Variants in KCNN2 observed in about 807,000 individuals in gnomAD.
The protein encoded by KCNN2 is small conductance calcium-activated potassium channel protein 2.
KCNN2 carries 24 observed loss-of-function variants against 55.5 expected under a neutral mutation model. The ratio of observed to expected loss-of-function variants is 0.43; its 90% CI spans 0.31 to 0.61. The LOEUF is 0.61. Ranked by LOEUF, KCNN2 falls within the 20% of genes least tolerant of loss-of-function variation. KCNN2 has a pLI of 0.08. For synonymous variants in KCNN2, 431 were observed against 336.1 expected (o/e 1.28, Z -3.09); for missense variants, 754 against 853.6 (o/e 0.88, Z 1.45).
intron 1 of KCNN2, among the ~76,000 whole-genome samples, chr5:114,173,108 G>A (rs11950333): frequency 1.3e-5 from 2 of 151,880 alleles, no homozygotes; most frequent in Non-Finnish European, 1.5e-5. Flanking sequence ...TTTAATTTTT[G>A]TATATGGCAA....
intron 1 of KCNN2, among the ~76,000 whole-genome samples, chr5:114,142,163 T>C (rs539315073): frequency 5.4e-4 from 82 of 152,330 alleles, no homozygotes; most frequent in African/African-American, 1.9e-3. Flanking sequence ...ATTTTGGCTT[T>C]TGTTGCCATT....
At chr5:114,293,414 T>G (rs1399397203) in intron 2 of KCNN2, among the ~76,000 whole-genome samples, 1 of 152,200 alleles carries the variant, frequency 6.6e-6, no homozygotes, top group Non-Finnish European at 1.5e-5. Flanking sequence ...GTTGTTGAAT[T>G]TTGTCAAAGG....
rs138193699 is a variant in KCNN2 at position 114,104,089 on chromosome 5, G to A, written c.-271+47589G>A. ...TTTGGTTAGTAGGCTATTAATTACT[G>A]CCTCAATTTCAGAACTTGTTATTGG... On this transcript the variant is annotated intron_variant, in intron 1 of 10. Coordinates refer to the KCNN2 transcript ENST00000512097. Among the ~76,000 whole-genome samples, 25 of 152,078 alleles carry A rather than the reference G, an allele frequency of 1.6e-4. No individual in the cohort carries two copies. The East Asian group carries it at 4.7e-3, about 28-fold the overall frequency.
chr5:114,396,795 T>G (rs1758633848), intron 2 of KCNN2, among the ~76,000 whole-genome samples: 1 of 152,138 alleles, frequency 6.6e-6, no homozygotes, highest in Non-Finnish European at 1.5e-5. Flanking sequence ...TCTGCCCGCC[T>G]TGGCCTCCAA....
intron 1 of KCNN2, among the ~76,000 whole-genome samples, chr5:114,071,439 T>A (rs1013235242): frequency 3.3e-5 from 5 of 152,178 alleles, no homozygotes; most frequent in African/African-American, 1.2e-4. Context: ...AAAACTTAGG[T>A]CACATGCTTG....
At chr5:114,335,359 C>A (rs1262372509) in intron 2 of KCNN2, among the ~76,000 whole-genome samples, 1 of 152,074 alleles carries the variant, frequency 6.6e-6, no homozygotes, top group Non-Finnish European at 1.5e-5. Context: ...AGGATTCTGC[C>A]TCTCTTTAGC....
At chr5:114,393,965 CAAAT>C (rs1427612537) in intron 2 of KCNN2, among the ~76,000 whole-genome samples, 1 of 110,922 alleles carries the variant, frequency 9.0e-6, no homozygotes, top group African/African-American at 4.3e-5. Flanking sequence ...AATGCTGCAA[CAAAT>C]AATCATGTAC....
intron 1 of KCNN2, among the ~76,000 whole-genome samples, chr5:114,126,941 C>A (rs1261280678): frequency 6.6e-6 from 1 of 152,150 alleles, no homozygotes; most frequent in Non-Finnish European, 1.5e-5. Flanking sequence ...AAAAGGCAGT[C>A]ATTAAACCTT....
At chr5:114,350,495 T>G (rs983331796) in intron 2 of KCNN2, among the ~76,000 whole-genome samples, 1 of 151,972 alleles carries the variant, frequency 6.6e-6, no homozygotes. Flanking sequence ...TTTTCCTTTG[T>G]AGCTTATGCT....
At chr5:114,103,407 T>C (rs1278249248) in intron 1 of KCNN2, among the ~76,000 whole-genome samples, 1 of 152,204 alleles carries the variant, frequency 6.6e-6, no homozygotes, top group Non-Finnish European at 1.5e-5. Context: ...CCTATTTGAA[T>C]ACTCTTTATT....
rs111266015 is a variant in KCNN2 at position 114,362,934 on chromosome 5, T to TGCCGCCGCC, written c.801_809dup (p.Ala268_Ala270dup). The TGCCGCCGCC allele has an allele frequency of 1.9e-5, 30 of 1,560,870 alleles. No homozygotes were observed. The highest frequency in any genetic ancestry group is 2.4e-5 in the East Asian group (1 of 41,082). On this transcript the variant is annotated inframe_insertion, in exon 1 of 8. Transcript: ENST00000673685. ...GCGCGTCCTCCCCGTCTGCAGCCGCTGCCGCCGCCGCCGCTGTTTCGTCCT... is the reference window on the plus strand; with the variant it reads ...GCGCGTCCTCCCCGTCTGCAGCCGCTGCCGCCGCCGCCGCCGCCGCCGCTGTTTCGTCCT...
At chr5:114,358,770 T>C (rs1757347131), upstream of KCNN2, among the ~76,000 whole-genome samples, 1 of 152,218 alleles carries the variant, frequency 6.6e-6, no homozygotes, top group Admixed American at 6.5e-5. Context: ...ATTGCCTTTG[T>C]TGCTTCATTT....
At chr5:114,151,014 T>G (rs548035796) in intron 1 of KCNN2, among the ~76,000 whole-genome samples, 1 of 152,194 alleles carries the variant, frequency 6.6e-6, no homozygotes, top group East Asian at 1.9e-4. Flanking sequence ...AGAGTGAAAC[T>G]GTGTCTCAAA....
chr5:114,169,238 G>C (rs1254546819), intron 1 of KCNN2, among the ~76,000 whole-genome samples: 2 of 152,012 alleles, frequency 1.3e-5, no homozygotes, highest in Non-Finnish European at 2.9e-5. Context: ...TGTTGGAATG[G>C]ACTAGTAAAA....
chr5:114,321,013 T>A (rs1368816250), intron 2 of KCNN2, among the ~76,000 whole-genome samples: 1 of 152,164 alleles, frequency 6.6e-6, no homozygotes, highest in Non-Finnish European at 1.5e-5. Flanking sequence ...AATCCTCCCA[T>A]GCTCCTGCTG....
At chr5:114,357,443 T>A (rs1580743750), upstream of KCNN2, among the ~76,000 whole-genome samples, 3 of 97,188 alleles carry the variant, frequency 3.1e-5, no homozygotes. Context: ...ATGCTATCCC[T>A]CCCCCCTCCC....
intron 2 of KCNN2, among the ~76,000 whole-genome samples, chr5:114,238,620 C>T (rs540183796): frequency 2.2e-4 from 32 of 143,326 alleles, no homozygotes; most frequent in African/African-American, 7.0e-4. Context: ...AGTGAGACTC[C>T]GTCTCCAAAA....
intron 2 of KCNN2, among the ~76,000 whole-genome samples, chr5:114,396,053 C>A (rs764950211): frequency 6.6e-6 from 1 of 152,156 alleles, no homozygotes; most frequent in Non-Finnish European, 1.5e-5. Context: ...TTATTTCTTA[C>A]ATTCCTTGCC....
chr5:114,169,244 T>C (rs1356119701), intron 1 of KCNN2, among the ~76,000 whole-genome samples: 1 of 152,086 alleles, frequency 6.6e-6, no homozygotes, highest in Non-Finnish European at 1.5e-5. Context: ...AATGGACTAG[T>C]AAAAGATACA....
Sources: gnomAD v4.1 joint callset for allele counts (sites outside exome capture counted in the v4.1 genomes callset) on GRCh38, gnomAD v4.1.1 for gene constraint, MANE v1.5 for transcripts, NCBI Gene and HGNC (gene_info 2026-07-23, HGNC 2026-07-21) for gene names.